The following CPSF3 variants were observed in gnomAD, a reference collection of about 807,000 sequenced individuals.
CPSF3 encodes cleavage and polyadenylation specific factor 3.
A neutral mutation model predicts 84.1 loss-of-function variants in CPSF3; 57 were observed. The observed-to-expected ratio is 0.68, with a 90% CI of 0.55 to 0.85. The LOEUF is 0.85. Ranked by LOEUF, CPSF3 falls within the 40% of genes least tolerant of loss-of-function variation. The probability of loss-of-function intolerance (pLI) is 0.00; values close to 1 mark genes in which losing one functional copy is unlikely to be tolerated. For missense variants in CPSF3, 522 were observed against 838.8 expected, an observed-to-expected ratio of 0.62 and a Z score of 4.66; for synonymous variants, 275 against 278.1, an observed-to-expected ratio of 0.99 and a Z score of 0.11.
chr2:9,456,805 A>T, intron 13 of CPSF3, 128 bp from the exon 14 acceptor site: 2 of 540,378 alleles, frequency 3.7e-6, no homozygotes, highest in Non-Finnish European at 6.5e-6. Context: ...AAAATTGACT[A>T]TACAAATGAG....
chr2:9,442,426 G>A (rs1680984330), intron 9 of CPSF3, among the ~76,000 whole-genome samples: 3 of 152,166 alleles, frequency 2.0e-5, no homozygotes, highest in Non-Finnish European at 4.4e-5. Flanking sequence ...AACTTGGGAG[G>A]CAGTTTCTGA....
Position 9,429,601 on chromosome 2 carries a change from CTT to C in CPSF3, c.115-319_115-318del, listed in dbSNP as rs576572048. Among the ~76,000 whole-genome samples, 599 of 152,250 alleles carry C rather than the reference CTT, an allele frequency of 3.9e-3. 3 individuals are homozygous for C. The highest frequency in any genetic ancestry group is 0.014 in the African/African-American group (564 of 41,558). ...GATCTGGTAGTAGTAAATCTATAAACTTTTAAAATTTTAATCTGATATCAAAG... is the reference window on the plus strand; with the variant it reads ...GATCTGGTAGTAGTAAATCTATAAACTTAAAATTTTAATCTGATATCAAAG... On this transcript the variant is annotated intron_variant, in intron 2 of 17. Transcript: ENST00000238112.
In CPSF3 at chr2:9,441,946, G is replaced by A. The variant is rs762481636; in HGVS notation, c.1065G>A (p.Ala355=). 21 of 1,613,954 alleles carry A rather than the reference G, an allele frequency of 1.3e-5. No homozygotes were observed. The highest frequency in any genetic ancestry group is 1.3e-5 in the African/African-American group (1 of 74,916). ...CTDKRNGVII[A]GYCVEGTLAK... ...ATAAGAGGAATGGTGTCATTATAGC[G>A]GGATACTGTGTAGAAGGGACACTTG... is the stretch of plus-strand genomic sequence containing the variant. The change falls in exon 9 of 18, where the codon GCG becomes GCA. Residue 355 remains alanine, a synonymous_variant. Transcript: ENST00000238112.
At chr2:9,460,843 A>C (rs534894413) in intron 15 of CPSF3, among the ~76,000 whole-genome samples, 1 of 152,246 alleles carries the variant, frequency 6.6e-6, no homozygotes, top group South Asian at 2.1e-4. Flanking sequence ...AGTCTCCGGC[A>C]TATGGAGTAG....
chr2:9,454,535 T>C (rs1681449154), intron 12 of CPSF3, among the ~76,000 whole-genome samples: 1 of 145,056 alleles, frequency 6.9e-6, no homozygotes, highest in Admixed American at 7.1e-5. Flanking sequence ...TGAGCTCTTA[T>C]ACTCTTTTTT....
Position 9,466,333 on chromosome 2 carries a change from C to T in CPSF3, c.1787-1374C>T, listed in dbSNP as rs1363209607. Among the ~76,000 whole-genome samples, 514 of 130,044 alleles carry T rather than the reference C, an allele frequency of 4.0e-3. 5 individuals are homozygous for T. The highest frequency in any genetic ancestry group is 5.7e-3 in the Non-Finnish European group (362 of 63,308). The allele number at this position is 130,044 out of a possible 152,430, so 85.3% of individuals were successfully genotyped here. On this transcript the variant is annotated intron_variant, in intron 15 of 17. Coordinates refer to ENST00000238112, the MANE Select transcript of CPSF3 (RefSeq NM_016207.4). ...ACACTGACGCACGCACACAGACGCA[C>T]GCACACACGCGCGCGCGCGCACACA...
rs543680441 is a variant in CPSF3, at chr2:9,472,598, G to A, written c.1954-318G>A. ...CTGCACGCCCACAAGTGTGTAGGGC[G>A]GCCGTTCTGTTTCATGGTAATCAGT... On this transcript the variant is annotated intron_variant, in intron 17 of 17. Transcript: ENST00000238112. Among the ~76,000 whole-genome samples, 61 of 152,212 alleles carry A rather than the reference G, an allele frequency of 4.0e-4. No individual in the cohort carries two copies. In the East Asian group the frequency reaches 8.3e-3, roughly 21 times the overall value.
At chr2:9,443,686 G>A in intron 10 of CPSF3, 25 bp downstream of exon 10, 1 of 1,604,862 alleles carries the variant, frequency 6.2e-7, no homozygotes, top group Non-Finnish European at 8.5e-7. Flanking sequence ...TTCATTTATT[G>A]TATTAAAGGG....
chr2:9,466,390 GCGCACA>G (rs1681975549), intron 15 of CPSF3, among the ~76,000 whole-genome samples: 4 of 75,702 alleles, frequency 5.3e-5, no homozygotes, highest in Non-Finnish European at 1.2e-4. Context: ...TCGCACACAC[GCGCACA>G]CACACGCACG....
intron 1 of CPSF3, among the ~76,000 whole-genome samples, chr2:9,425,640 C>T (rs566641922): frequency 1.4e-4 from 22 of 152,068 alleles, no homozygotes; most frequent in South Asian, 2.1e-4. Context: ...CTAAGTTTGG[C>T]AGTTGGGAAA....
At chr2:9,424,250 T>G in intron 1 of CPSF3, 1 of 990,850 alleles carries the variant, frequency 1.0e-6, no homozygotes, top group Non-Finnish European at 1.2e-6. Flanking sequence ...GAATTAAGTC[T>G]GTTTCTTAAC....
intron 1 of CPSF3, among the ~76,000 whole-genome samples, chr2:9,427,247 AG>A (rs1680425561): frequency 6.6e-6 from 1 of 152,214 alleles, no homozygotes; most frequent in Non-Finnish European, 1.5e-5. Context: ...CTATCTATAG[AG>A]GAGAAATAGA....
intron 4 of CPSF3, 109 bp from the exon 5 acceptor site, chr2:9,432,397 GTATAT>G: frequency 1.5e-6 from 1 of 672,196 alleles, no homozygotes; most frequent in Non-Finnish European, 2.2e-6. Context: ...GATTCATACA[GTATAT>G]TTTAAAGAAA....
intron 15 of CPSF3, among the ~76,000 whole-genome samples, chr2:9,466,233 C>CAT (rs1681916339): frequency 6.8e-6 from 1 of 146,496 alleles, no homozygotes; most frequent in African/African-American, 2.6e-5. Context: ...CACACACACA[C>CAT]GTGCGCGCAC....
At chr2:9,472,848 A>G (rs1246088476) in intron 17 of CPSF3, 68 bp from the exon 18 acceptor site, 10 of 1,061,484 alleles carry the variant, frequency 9.4e-6, no homozygotes, top group Admixed American at 1.9e-5. Flanking sequence ...TTTAAAGAGT[A>G]TTCATTTATC....
chr2:9,448,075 A>G, intron 10 of CPSF3, 123 bp from the exon 11 acceptor site: 2 of 530,976 alleles, frequency 3.8e-6, no homozygotes, highest in Non-Finnish European at 6.2e-6. Context: ...GTAAAGTTTC[A>G]TAACTTCCAA....
chr2:9,427,363 G>T (rs2148932875), intron 1 of CPSF3, among the ~76,000 whole-genome samples: 1 of 152,024 alleles, frequency 6.6e-6, no homozygotes, highest in African/African-American at 2.4e-5. Flanking sequence ...TTATTTTTTT[G>T]ATGCAGAAGA....
At chr2:9,454,167 T>C (rs1572794663) in intron 12 of CPSF3, among the ~76,000 whole-genome samples, 2 of 152,062 alleles carry the variant, frequency 1.3e-5, no homozygotes, top group Admixed American at 1.3e-4. Flanking sequence ...CCCAGCACTT[T>C]GGGAGGTCGA....
intron 16 of CPSF3, 118 bp downstream of exon 16, chr2:9,467,894 C>T (rs1486792981): frequency 2.7e-6 from 2 of 729,678 alleles, no homozygotes; most frequent in Non-Finnish European, 4.6e-6. Flanking sequence ...CACTGCCATG[C>T]TCGGAGGCCT....
Sources: allele counts gnomAD v4.1 joint callset (sites outside exome capture counted in the v4.1 genomes callset), GRCh38; gene constraint gnomAD v4.1.1; transcripts MANE v1.5; gene names NCBI Gene and HGNC (gene_info 2026-07-23, HGNC 2026-07-21).